NWD2: variants seen among roughly 807,000 people sequenced by gnomAD.
NWD2 encodes NACHT and WD repeat domain containing 2, also known as NACHT and WD repeat domain-containing protein 2.
Under a neutral mutation model 132.7 loss-of-function variants are expected in NWD2, and 37 were observed. That is an observed-to-expected ratio of 0.28 (90% CI 0.21 to 0.37). The LOEUF (loss-of-function observed/expected upper bound fraction) is 0.37. NWD2 is among the 10% of genes least tolerant of loss of function. NWD2 has a pLI of 1.00. For missense variants in NWD2, 1,592 were observed against 2,122.4 expected (o/e 0.75, Z 4.91); for synonymous variants, 705 against 803.0 (o/e 0.88, Z 2.06).
chr4:37,301,618 G>GT (rs1053125250), intron 1 of NWD2, among the ~76,000 whole-genome samples: 15 of 149,816 alleles, frequency 1.0e-4, no homozygotes, highest in African/African-American at 2.9e-4. Flanking sequence ...TAATTTTAAT[G>GT]TTTTTTTATT....
chr4:37,258,713 A>G (rs900442060), intron 1 of NWD2, among the ~76,000 whole-genome samples: 22 of 152,306 alleles, frequency 1.4e-4, no homozygotes, highest in African/African-American at 5.1e-4. Flanking sequence ...GAATGTAGCC[A>G]GTGTGCTTAT....
chr4:37,389,942 G>T (rs528890781), intron 3 of NWD2, among the ~76,000 whole-genome samples: 2 of 152,164 alleles, frequency 1.3e-5, no homozygotes, highest in South Asian at 4.1e-4. Flanking sequence ...ACCATGCCTG[G>T]CTAATTTTTG....
chr4:37,273,149 AC>A (rs1490308919), intron 1 of NWD2, among the ~76,000 whole-genome samples: 1 of 151,818 alleles, frequency 6.6e-6, no homozygotes, highest in Non-Finnish European at 1.5e-5. Flanking sequence ...TTTGTGGGAT[AC>A]TTTTGCTGGA....
At chr4:37,376,142 A>G (rs75122313) in intron 3 of NWD2, among the ~76,000 whole-genome samples, 1,709 of 152,310 alleles carry the variant, frequency 0.011, 18 homozygotes, top group Middle Eastern at 0.02. Flanking sequence ...GGTAAACTCT[A>G]AGATGCAGAA....
rs1175682772 is a variant in NWD2 at position 37,446,501 on chromosome 4, A to C, written c.4513A>C (p.Ile1505Leu). 3.9e-6 allele frequency: 6 copies of C among 1,551,628 alleles called. No homozygotes were observed. The highest frequency in any genetic ancestry group is 5.2e-6 in the Non-Finnish European group (6 of 1,147,016). Residue 1505 changes from isoleucine (I) to leucine (L), a missense_variant, in exon 7 of 7, where the codon ATC becomes CTC. Physicochemically the swap from Ile to Leu is conservative, Grantham distance 5. Transcript: ENST00000309447. The surrounding 1 kb of genome is among the most constrained non-coding windows in gnomAD (Gnocchi z 6.7). Reference protein sequence around the residue: ...VFITSAETVNIWSLTDEVICR... With the variant: ...VFITSAETVNLWSLTDEVICR... The stretch of plus-strand genomic sequence containing the variant: ...TATCACATCGGCCGAGACTGTGAAC[A>C]TCTGGAGTCTGACAGATGAAGTGAT...
At chr4:37,284,346 C>T (rs1412953797) in intron 1 of NWD2, among the ~76,000 whole-genome samples, 2 of 152,176 alleles carry the variant, frequency 1.3e-5, no homozygotes, top group Non-Finnish European at 2.9e-5. Flanking sequence ...CCTCTATTAC[C>T]TTCAGGTGAG....
At chr4:37,264,649 A>T (rs1717712180) in intron 1 of NWD2, among the ~76,000 whole-genome samples, 1 of 152,196 alleles carries the variant, frequency 6.6e-6, no homozygotes, top group African/African-American at 2.4e-5. Flanking sequence ...AGACATTTTC[A>T]AAAGTTCAAA....
intron 3 of NWD2, among the ~76,000 whole-genome samples, chr4:37,403,857 G>A (rs1249629846): frequency 2.0e-5 from 3 of 152,184 alleles, no homozygotes; most frequent in Non-Finnish European, 4.4e-5. Context: ...ATTCAGGAAT[G>A]TACATTAAAA....
chr4:37,440,908 T>C (rs576066699), intron 6 of NWD2, among the ~76,000 whole-genome samples: 3 of 152,320 alleles, frequency 2.0e-5, no homozygotes, highest in Non-Finnish European at 2.9e-5. Context: ...ATTCTTCCCA[T>C]GGTGACTCTC....
chr4:37,265,115 G>T (rs1323297254), intron 1 of NWD2, among the ~76,000 whole-genome samples: 4 of 152,072 alleles, frequency 2.6e-5, no homozygotes, highest in Admixed American at 2.6e-4. Flanking sequence ...AAAAGCGCGG[G>T]AGGTGAAAGA....
At chr4:37,253,452 C>T (rs1386216977) in intron 1 of NWD2, among the ~76,000 whole-genome samples, 1 of 152,150 alleles carries the variant, frequency 6.6e-6, no homozygotes, top group Non-Finnish European at 1.5e-5. Flanking sequence ...CTCCCCGGAA[C>T]AGGTCATGTC....
rs200492008 is a variant in NWD2 at position 37,318,470 on chromosome 4, CAT to C, written c.152-7465_152-7464del. 3.4e-3 allele frequency among the ~76,000 whole-genome samples: 520 copies of C among 152,232 alleles called. 6 individuals are homozygous for C. The highest frequency in any genetic ancestry group is 0.011 in the African/African-American group (444 of 41,544). ...GCTTTCATTTTAGATTCAGGGGACACATGTGCAGGTTTGTTACCTGGGTATAT... is the reference window on the plus strand; with the variant it reads ...GCTTTCATTTTAGATTCAGGGGACACGTGCAGGTTTGTTACCTGGGTATAT... On this transcript the variant is annotated intron_variant, in intron 1 of 6. Coordinates refer to ENST00000309447, the MANE Select transcript of NWD2 (RefSeq NM_001144990.2).
Position 37,444,050 on chromosome 4 carries a change from A to G in NWD2, c.2062A>G (p.Met688Val). The change falls in exon 7 of 7, where the codon ATG (methionine) becomes GTG (valine). Residue 688 changes from methionine to valine, a missense_variant. Physicochemically the swap from Met to Val is conservative, Grantham distance 21 (BLOSUM62 1). Around this residue, in one of 7 missense-constraint regions of NWD2, gnomAD observed 1,071 missense variants for 1,398.0 expected, o/e 0.77. Coordinates refer to ENST00000309447, the MANE Select transcript of NWD2 (RefSeq NM_001144990.2). This position sits in a 1 kb window ranked among gnomAD's most constrained non-coding sequence, Gnocchi z 4.8. ...TGTGTTAGCCCTAGACAACAGTGTA[A>G]TGAGTGAGCTCAAAGAAAACACCAG... ...EDVLALDNSV[M>V]SELKENTRPS... 6.4e-7 allele frequency: 1 copy of G among 1,551,956 alleles called. No individual in the cohort carries two copies. The highest frequency in any genetic ancestry group is 2.4e-5 in the East Asian group (1 of 40,920).
intron 1 of NWD2, among the ~76,000 whole-genome samples, chr4:37,320,103 A>G (rs1045325437): frequency 6.6e-6 from 1 of 152,218 alleles, no homozygotes. Flanking sequence ...CTTGTAATCC[A>G]TGAGCATGGG....
At chr4:37,248,043 A>G (rs1280890306) in intron 1 of NWD2, among the ~76,000 whole-genome samples, 1 of 152,118 alleles carries the variant, frequency 6.6e-6, no homozygotes, top group Non-Finnish European at 1.5e-5. Context: ...TACGGATGAG[A>G]TTACTGAGGC....
intron 2 of NWD2, among the ~76,000 whole-genome samples, chr4:37,348,564 T>C (rs1253707137): frequency 8.3e-6 from 1 of 120,910 alleles, no homozygotes; most frequent in Non-Finnish European, 1.7e-5. Context: ...ACTTGCCAAC[T>C]TTTCTTTTTC....
chr4:37,259,544 G>A (rs1717587721), intron 1 of NWD2, among the ~76,000 whole-genome samples: 1 of 152,154 alleles, frequency 6.6e-6, no homozygotes, highest in South Asian at 2.1e-4. Flanking sequence ...GCCCACTTTA[G>A]GTTACACATC....
chr4:37,394,176 A>G (rs1720733608), intron 3 of NWD2, among the ~76,000 whole-genome samples: 1 of 152,222 alleles, frequency 6.6e-6, no homozygotes, highest in Non-Finnish European at 1.5e-5. Context: ...TGAGCACTTA[A>G]GTAAATGTAT....
intron 1 of NWD2, among the ~76,000 whole-genome samples, chr4:37,312,538 G>A (rs150122909): frequency 0.041 from 6,187 of 150,922 alleles, 770 homozygotes; most frequent in African/African-American, 0.15. Flanking sequence ...GGCTGAGACA[G>A]TGGGGTTCTC....
Sources: allele counts gnomAD v4.1 joint callset (sites outside exome capture counted in the v4.1 genomes callset), GRCh38; gene constraint gnomAD v4.1.1; regional missense constraint gnomAD v4.1.1; non-coding constraint Gnocchi (gnomAD v3.1); transcripts MANE v1.5; gene names NCBI Gene and HGNC (gene_info 2026-07-23, HGNC 2026-07-21).